RASGRF2: variants seen among roughly 807,000 people sequenced by gnomAD.
The protein encoded by RASGRF2 is ras-specific guanine nucleotide-releasing factor 2.
RASGRF2 carries 76 observed loss-of-function variants against 151.0 expected under a neutral mutation model. The ratio of observed to expected loss-of-function variants is 0.50; its 90% CI spans 0.42 to 0.61. The LOEUF is 0.61. Ranked by LOEUF, RASGRF2 falls within the 20% of genes least tolerant of loss-of-function variation. The pLI is 0.00. For synonymous variants in RASGRF2, 504 were observed against 566.5 expected (o/e 0.89, Z 1.57); for missense variants, 1,148 against 1,564.6 (o/e 0.73, Z 4.49).
At chr5:81,200,466 C>T (rs1755363785) in intron 18 of RASGRF2, among the ~76,000 whole-genome samples, 1 of 152,158 alleles carries the variant, frequency 6.6e-6, no homozygotes, top group South Asian at 2.1e-4. Context: ...TTCAATCTCA[C>T]TTCTATGTTC....
rs570485420 is a variant in RASGRF2 at position 81,131,210 on chromosome 5, A to G, written c.2686+4047A>G. Among the ~76,000 whole-genome samples, 3 of 152,296 alleles carry G rather than the reference A, an allele frequency of 2.0e-5. No individual in the cohort carries two copies. The East Asian group carries it at 5.8e-4, about 29-fold the overall frequency. On this transcript the variant is annotated intron_variant, in intron 17 of 26. Coordinates refer to ENST00000265080, the MANE Select transcript of RASGRF2 (RefSeq NM_006909.3). ...ATTTTTTTTGCAAGGAGGTCAAGAC[A>G]AGATGTTCCTGCCTGACCCCGGGGG...
chr5:81,025,455 G>A (rs1322641157), intron 1 of RASGRF2, among the ~76,000 whole-genome samples: 1 of 152,192 alleles, frequency 6.6e-6, no homozygotes, highest in Non-Finnish European at 1.5e-5. Flanking sequence ...TGTGTGTTGG[G>A]GCACAGGTGG....
At chr5:81,045,787 CT>C (rs963336697) in intron 2 of RASGRF2, among the ~76,000 whole-genome samples, 10 of 152,056 alleles carry the variant, frequency 6.6e-5, no homozygotes, top group African/African-American at 2.4e-4. Flanking sequence ...GGGAAGAAAA[CT>C]TTTTTATCTA....
intron 1 of RASGRF2, among the ~76,000 whole-genome samples, chr5:81,031,493 A>T (rs926231707): frequency 2.0e-5 from 3 of 152,162 alleles, no homozygotes; most frequent in Non-Finnish European, 4.4e-5. Context: ...GGATTAAGAA[A>T]CTCACTCAAA....
intron 2 of RASGRF2, among the ~76,000 whole-genome samples, chr5:81,055,836 ACTT>A (rs1432140515): frequency 8.5e-5 from 13 of 152,198 alleles, no homozygotes; most frequent in African/African-American, 2.9e-4. Flanking sequence ...CAGGGATTCC[ACTT>A]CTTCCTGGTT....
At chr5:81,157,943 A>G (rs1754300738) in intron 17 of RASGRF2, among the ~76,000 whole-genome samples, 1 of 152,224 alleles carries the variant, frequency 6.6e-6, no homozygotes, top group Non-Finnish European at 1.5e-5. Flanking sequence ...ATTTACAGAA[A>G]TGGACAAGCT....
chr5:81,134,042 G>A (rs1753689724), intron 17 of RASGRF2, among the ~76,000 whole-genome samples: 1 of 150,312 alleles, frequency 6.7e-6, no homozygotes, highest in South Asian at 2.1e-4. Flanking sequence ...TTCCCCAGGT[G>A]ATACTAATGT....
chr5:81,180,036 T>A, intron 17 of RASGRF2, 139 bp from the exon 18 acceptor site: 1 of 602,450 alleles, frequency 1.7e-6, no homozygotes, highest in African/African-American at 1.8e-5. Context: ...TTCACAATAG[T>A]CTGAAGCCAC....
rs577982757 is a variant in RASGRF2, at chr5:81,166,280, A to G, written c.2687-13895A>G. Among the ~76,000 whole-genome samples, 498 of 152,070 alleles carry G rather than the reference A, an allele frequency of 3.3e-3. 2 individuals carry two copies. Among genetic ancestry groups the G allele is most frequent in the Non-Finnish European group, 6.2e-3 (421 of 67,962 alleles). Reference sequence around the variant, plus strand: ...CAGCTCACTGCAACCTCTGCCTCCCAGGTTCAAGCAATTCTCCTGCCTCAG... The same window carrying G: ...CAGCTCACTGCAACCTCTGCCTCCCGGGTTCAAGCAATTCTCCTGCCTCAG... On this transcript the variant is annotated intron_variant, in intron 17 of 26. Coordinates refer to ENST00000265080, the MANE Select transcript of RASGRF2 (RefSeq NM_006909.3).
intron 17 of RASGRF2, among the ~76,000 whole-genome samples, chr5:81,165,098 G>A (rs1325485163): frequency 2.6e-5 from 4 of 152,076 alleles, no homozygotes; most frequent in Non-Finnish European, 4.4e-5. Flanking sequence ...GTTTTCCAGG[G>A]GCTTAAGGTT....
intron 19 of RASGRF2, among the ~76,000 whole-genome samples, chr5:81,202,602 T>C (rs1019779995): frequency 1.3e-5 from 2 of 152,324 alleles, no homozygotes; most frequent in African/African-American, 4.8e-5. Flanking sequence ...AAAAGATATA[T>C]TGAAGTCCTA....
At chr5:81,167,884 A>G (rs1334347061) in intron 17 of RASGRF2, among the ~76,000 whole-genome samples, 1 of 152,200 alleles carries the variant, frequency 6.6e-6, no homozygotes, top group Non-Finnish European at 1.5e-5. Flanking sequence ...ACTCACAGGA[A>G]GACTTCAGAT....
At chr5:81,148,106 C>T (rs1164710496) in intron 17 of RASGRF2, among the ~76,000 whole-genome samples, 1 of 152,178 alleles carries the variant, frequency 6.6e-6, no homozygotes, top group Non-Finnish European at 1.5e-5. Context: ...CCTACGTATT[C>T]ATTACAACGA....
chr5:81,043,632 A>C (rs544389301), intron 2 of RASGRF2, among the ~76,000 whole-genome samples: 5 of 152,160 alleles, frequency 3.3e-5, no homozygotes, highest in Non-Finnish European at 7.4e-5. Context: ...TTCCTATTCA[A>C]TCCCTAAACC....
At chr5:81,198,959 T>C (rs896547866) in intron 18 of RASGRF2, among the ~76,000 whole-genome samples, 4 of 152,226 alleles carry the variant, frequency 2.6e-5, no homozygotes. Context: ...GTAGTTCTAT[T>C]TTTAGTTCTT....
At chr5:81,217,557 CT>C (rs35574358) in intron 25 of RASGRF2, 84 bp downstream of exon 25, 76,788 of 418,762 alleles carry the variant, frequency 0.18, 4,836 homozygotes, top group South Asian at 0.24. Context: ...TCAATGTCTG[CT>C]TTTTTTTTTT....
chr5:81,118,425 C>A (rs953638331), intron 15 of RASGRF2, among the ~76,000 whole-genome samples: 1 of 152,210 alleles, frequency 6.6e-6, no homozygotes, highest in South Asian at 2.1e-4. Context: ...TGGGGAGCAG[C>A]CCTGGGCAGC....
chr5:81,215,746 C>A, intron 23 of RASGRF2, 130 bp from the exon 24 acceptor site: 2 of 1,168,138 alleles, frequency 1.7e-6, no homozygotes, highest in East Asian at 3.1e-5. Context: ...TCCTATCACA[C>A]AATGACCTTT....
In RASGRF2 at chr5:80,984,832, A is replaced by G. The variant is rs541846740; in HGVS notation, c.288+23806A>G. 3.9e-5 allele frequency among the ~76,000 whole-genome samples: 6 copies of G among 152,358 alleles called. No homozygotes were observed. The East Asian group carries it at 1.2e-3, about 29-fold the overall frequency. On this transcript the variant is annotated intron_variant, in intron 1 of 26. Transcript: ENST00000265080. The stretch of plus-strand genomic sequence containing the variant: ...GATTATCCACATAATTGTATTTTCA[A>G]TGTAAATGATGGTAATGAGTTATTA...
Sources: gnomAD v4.1 joint callset for allele counts (sites outside exome capture counted in the v4.1 genomes callset) on GRCh38, gnomAD v4.1.1 for gene constraint, MANE v1.5 for transcripts, NCBI Gene and HGNC (gene_info 2026-07-23, HGNC 2026-07-21) for gene names.